C10orf90: variants seen among roughly 807,000 people sequenced by gnomAD.
The protein encoded by C10orf90 is chromosome 10 open reading frame 90, also known as (E2-independent) E3 ubiquitin-conjugating enzyme FATS.
C10orf90 carries 56 observed loss-of-function variants against 62.5 expected under a neutral mutation model. The ratio of observed to expected loss-of-function variants is 0.90; its 90% CI spans 0.72 to 1.12. The LOEUF (loss-of-function observed/expected upper bound fraction) is 1.12. Among genes scored for constraint, C10orf90 ranks in the 50% most tolerant of loss-of-function variants. The probability of loss-of-function intolerance (pLI) is 0.00; values close to 1 mark genes in which losing one functional copy is unlikely to be tolerated. For synonymous variants in C10orf90, 386 were observed against 340.4 expected (o/e 1.13, Z -1.47); for missense variants, 970 against 880.4 (o/e 1.10, Z -1.29).
chr10:126,499,453 TC>T (rs1303764244), intron 4 of C10orf90, among the ~76,000 whole-genome samples: 2 of 152,148 alleles, frequency 1.3e-5, no homozygotes, highest in Non-Finnish European at 2.9e-5. Flanking sequence ...TATCTTCTGG[TC>T]CCTCTAGTAA....
Position 126,622,415 on chromosome 10 carries a change from C to T in C10orf90, c.313+24150G>A, listed in dbSNP as rs1052687396. Among the ~76,000 whole-genome samples, 13 of 152,174 alleles carry T rather than the reference C, an allele frequency of 8.5e-5. 1 individual carries two copies. The highest frequency in any genetic ancestry group is 1.7e-4 in the African/African-American group (7 of 41,456). On this transcript the variant is annotated intron_variant, in intron 2 of 9. Transcript: ENST00000488181. ...CCTCAGGTTCCAAGCCCAGGTACTC[C>T]ATGACACTGGTTCTCAACTAGAGGT...
intron 2 of C10orf90, among the ~76,000 whole-genome samples, chr10:126,582,047 A>G (rs1462483978): frequency 1.3e-5 from 2 of 152,156 alleles, no homozygotes; most frequent in Non-Finnish European, 2.9e-5. Flanking sequence ...CATGAGAGGA[A>G]CAGCATATTC....
chr10:126,528,436 G>A (rs922807413), intron 2 of C10orf90, among the ~76,000 whole-genome samples: 2 of 152,218 alleles, frequency 1.3e-5, no homozygotes, highest in Non-Finnish European at 2.9e-5. Context: ...CAACAGGGCT[G>A]AGTGGGGCTG....
chr10:126,563,616 G>A (rs1864953674), intron 2 of C10orf90, among the ~76,000 whole-genome samples: 1 of 152,240 alleles, frequency 6.6e-6, no homozygotes, highest in South Asian at 2.1e-4. Context: ...ATTGATGGCT[G>A]TGATAGAGGT....
At chr10:126,534,150 T>C (rs1864173937) in intron 2 of C10orf90, among the ~76,000 whole-genome samples, 1 of 152,214 alleles carries the variant, frequency 6.6e-6, no homozygotes, top group Admixed American at 6.5e-5. Flanking sequence ...CCCAATGAGA[T>C]CAGCTTTCCT....
chr10:126,452,363 C>T (rs958800529), intron 7 of C10orf90, among the ~76,000 whole-genome samples: 3 of 152,104 alleles, frequency 2.0e-5, no homozygotes, highest in Admixed American at 2.0e-4. Context: ...TCACCGTTTG[C>T]TCCAATTCCA....
rs566832331 is a variant in C10orf90 at position 126,576,046 on chromosome 10, G to C, written c.314-62107C>G. On this transcript the variant is annotated intron_variant, in intron 2 of 9. Coordinates refer to ENST00000488181, the MANE Select transcript of C10orf90 (RefSeq NM_001350921.2). ...TAATGAATAAGACCTCAAGGGTACAGGCAACAAAAGCAAAAATCAATAAAT... is the reference window on the plus strand; with the variant it reads ...TAATGAATAAGACCTCAAGGGTACACGCAACAAAAGCAAAAATCAATAAAT... 1.3e-4 allele frequency among the ~76,000 whole-genome samples: 20 copies of C among 152,090 alleles called. 1 individual carries two copies. In the South Asian group the frequency reaches 3.3e-3, roughly 25 times the overall value.
intron 1 of C10orf90, among the ~76,000 whole-genome samples, chr10:126,649,671 T>G (rs1846253412): frequency 1.3e-5 from 2 of 152,206 alleles, no homozygotes; most frequent in African/African-American, 4.8e-5. Flanking sequence ...TGCCTTGGTT[T>G]GTAAATACAC....
intron 2 of C10orf90, among the ~76,000 whole-genome samples, chr10:126,534,269 T>C (rs1307094115): frequency 6.6e-6 from 1 of 152,222 alleles, no homozygotes; most frequent in Non-Finnish European, 1.5e-5. Flanking sequence ...GCTTGTACTC[T>C]GTGCTTCCAA....
intron 2 of C10orf90, among the ~76,000 whole-genome samples, chr10:126,564,327 G>C (rs938409664): frequency 1.2e-4 from 19 of 152,022 alleles, no homozygotes; most frequent in African/African-American, 4.1e-4. Flanking sequence ...AGAGGGTCTA[G>C]AAGTGGTGAC....
chr10:126,585,399 G>GT (rs2134020992), intron 2 of C10orf90, among the ~76,000 whole-genome samples: 1 of 125,700 alleles, frequency 8.0e-6, no homozygotes, highest in Non-Finnish European at 1.7e-5. Context: ...AAAGAAGGAA[G>GT]AAAAGGAGGG....
intron 4 of C10orf90, among the ~76,000 whole-genome samples, chr10:126,476,316 G>A (rs965496410): frequency 2.0e-5 from 3 of 152,180 alleles, no homozygotes; most frequent in African/African-American, 7.2e-5. Context: ...CTGGAAACAC[G>A]TGGCCCTGTG....
intron 6 of C10orf90, among the ~76,000 whole-genome samples, chr10:126,459,785 T>G (rs1298494303): frequency 6.6e-6 from 1 of 152,230 alleles, no homozygotes; most frequent in Non-Finnish European, 1.5e-5. Context: ...GAAAGTTCTG[T>G]GAGCTCCACA....
intron 4 of C10orf90, among the ~76,000 whole-genome samples, chr10:126,481,732 G>T (rs1055376501): frequency 6.6e-6 from 1 of 151,932 alleles, no homozygotes; most frequent in Non-Finnish European, 1.5e-5. Flanking sequence ...ATCTCTCCCC[G>T]TTCATCCTCC....
At chr10:126,529,335 A>G (rs993848671) in intron 2 of C10orf90, among the ~76,000 whole-genome samples, 3 of 152,172 alleles carry the variant, frequency 2.0e-5, no homozygotes, top group Admixed American at 2.0e-4. Flanking sequence ...GAATATTCCC[A>G]AAGACAAACA....
At chr10:126,612,105 G>C (rs1845446763) in intron 2 of C10orf90, among the ~76,000 whole-genome samples, 2 of 152,186 alleles carry the variant, frequency 1.3e-5, no homozygotes, top group South Asian at 4.2e-4. Flanking sequence ...CAGATCACTT[G>C]AAGTCAGGAG....
chr10:126,436,911 A>T (rs1234654724), intron 7 of C10orf90, among the ~76,000 whole-genome samples: 1 of 151,964 alleles, frequency 6.6e-6, no homozygotes, highest in Non-Finnish European at 1.5e-5. Flanking sequence ...CTGTCCTCCC[A>T]CCTCAGCCTT....
intron 7 of C10orf90, among the ~76,000 whole-genome samples, chr10:126,434,310 A>G (rs1361230847): frequency 6.6e-6 from 1 of 152,236 alleles, no homozygotes; most frequent in Admixed American, 6.5e-5. Context: ...CAGTGTCACC[A>G]GAAGGCAGCA....
At chr10:126,665,834 G>A (rs1235897560) in intron 1 of C10orf90, among the ~76,000 whole-genome samples, 3 of 152,156 alleles carry the variant, frequency 2.0e-5, no homozygotes, top group Admixed American at 2.0e-4. Flanking sequence ...AACTGCAAAG[G>A]AGAATTCCAG....
Sources: gnomAD v4.1 joint callset for allele counts (sites outside exome capture counted in the v4.1 genomes callset) on GRCh38, gnomAD v4.1.1 for gene constraint, MANE v1.5 for transcripts, NCBI Gene and HGNC (gene_info 2026-07-23, HGNC 2026-07-21) for gene names.